Variants in MACROD2 observed in about 807,000 individuals in gnomAD.
MACROD2 encodes the protein mono-ADP ribosylhydrolase 2, also known as ADP-ribose glycohydrolase MACROD2.
A neutral mutation model predicts 70.4 loss-of-function variants in MACROD2; 36 were observed. The observed-to-expected ratio is 0.51, with a 90% confidence interval of 0.39 to 0.68. The LOEUF is 0.68. Among genes scored for constraint, MACROD2 ranks in the 30% least tolerant of loss-of-function variants. The probability of loss-of-function intolerance (pLI) is 0.00; values close to 1 mark genes in which losing one functional copy is unlikely to be tolerated. For missense variants in MACROD2, 496 were observed against 538.4 expected (o/e 0.92, Z 0.78); for synonymous variants, 172 against 178.8 (o/e 0.96, Z 0.30).
At chr20:15,819,596 A>G (rs1009266421) in intron 8 of MACROD2, among the ~76,000 whole-genome samples, 2 of 151,234 alleles carry the variant, frequency 1.3e-5, no homozygotes, top group Non-Finnish European at 2.9e-5. Flanking sequence ...CTTAAAATGG[A>G]AGGAGATCCT....
At position 14,772,383 on chromosome 20, in the gene MACROD2, G is replaced by T. The variant is rs911390230; in HGVS notation, c.418+87424G>T. ...ACTGGGAAGTTTATATAAGAAAGAG[G>T]TTTAACTGGACTTACAGTTTCATGG... On this transcript the variant is annotated intron_variant, in intron 5 of 17. Coordinates refer to ENST00000684519, the MANE Select transcript of MACROD2 (RefSeq NM_001351661.2). Among the ~76,000 whole-genome samples, 10 of 152,052 alleles carry T rather than the reference G, an allele frequency of 6.6e-5. 1 individual carries two copies. The highest frequency in any genetic ancestry group is 6.6e-5 in the Admixed American group (1 of 15,262).
At chr20:14,040,578 A>G (rs1286761621) in intron 2 of MACROD2, among the ~76,000 whole-genome samples, 1 of 152,182 alleles carries the variant, frequency 6.6e-6, no homozygotes, top group Non-Finnish European at 1.5e-5. Context: ...CAAATATGGT[A>G]TACTTGTTTA....
intron 3 of MACROD2, among the ~76,000 whole-genome samples, chr20:14,328,158 C>A (rs2082769418): frequency 6.6e-6 from 1 of 151,962 alleles, no homozygotes; most frequent in Non-Finnish European, 1.5e-5. Flanking sequence ...ATTTCATTTT[C>A]TTTGGTTATT....
At chr20:15,843,086 C>T (rs1012117954) in intron 8 of MACROD2, among the ~76,000 whole-genome samples, 12 of 152,200 alleles carry the variant, frequency 7.9e-5, no homozygotes, top group Non-Finnish European at 1.3e-4. Context: ...TGCTGTACCA[C>T]ACTCACCTCC....
chr20:15,970,549 C>T (rs2066214716), intron 13 of MACROD2, among the ~76,000 whole-genome samples: 1 of 152,026 alleles, frequency 6.6e-6, no homozygotes, highest in Non-Finnish European at 1.5e-5. Context: ...CAGCTGGCTG[C>T]CTGGAGAGTT....
chr20:14,688,261 A>T (rs974946923), intron 5 of MACROD2, among the ~76,000 whole-genome samples: 1 of 152,240 alleles, frequency 6.6e-6, no homozygotes, highest in African/African-American at 2.4e-5. Flanking sequence ...TTCATGCATC[A>T]GCAATTTGTT....
At chr20:15,048,972 A>G (rs1382098931) in intron 5 of MACROD2, among the ~76,000 whole-genome samples, 2 of 152,148 alleles carry the variant, frequency 1.3e-5, no homozygotes, top group African/African-American at 4.8e-5. Flanking sequence ...TCTACTGGAT[A>G]AATGAACAGT....
chr20:14,657,523 C>A (rs1214495308), intron 4 of MACROD2, among the ~76,000 whole-genome samples: 1 of 152,178 alleles, frequency 6.6e-6, no homozygotes, highest in Non-Finnish European at 1.5e-5. Context: ...GGGTTTTGGC[C>A]TTCTAATTAC....
At chr20:14,910,233 A>G (rs1296365836) in intron 5 of MACROD2, among the ~76,000 whole-genome samples, 4 of 152,196 alleles carry the variant, frequency 2.6e-5, no homozygotes, top group Non-Finnish European at 5.9e-5. Flanking sequence ...CAGAGTTAAA[A>G]GAATGTTGGC....
intron 8 of MACROD2, among the ~76,000 whole-genome samples, chr20:15,809,974 A>G (rs1396607448): frequency 6.7e-6 from 1 of 148,894 alleles, no homozygotes; most frequent in East Asian, 2.0e-4. Context: ...TTAACTCGTC[A>G]TTTAGCATTA....
chr20:14,768,483 T>A (rs1349715847), intron 5 of MACROD2, among the ~76,000 whole-genome samples: 2 of 152,106 alleles, frequency 1.3e-5, no homozygotes, highest in African/African-American at 4.8e-5. Flanking sequence ...AACCTTTCCC[T>A]TTTTAACATT....
chr20:15,754,683 CTTT>C (rs536927554), intron 8 of MACROD2, among the ~76,000 whole-genome samples: 9 of 132,732 alleles, frequency 6.8e-5, no homozygotes, highest in Admixed American at 7.5e-5. Context: ...TCTATTCAAT[CTTT>C]TTTTTTTTTT....
chr20:15,684,999 C>T (rs1025953083), intron 8 of MACROD2, among the ~76,000 whole-genome samples: 6 of 151,994 alleles, frequency 3.9e-5, no homozygotes, highest in Admixed American at 1.3e-4. Context: ...AGAATTTATG[C>T]GACTTCCTCA....
rs140506726 is a variant in MACROD2, at chr20:14,181,410, G to A, written c.271+95682G>A. Among the ~76,000 whole-genome samples the A allele has an allele frequency of 2.7e-3, 408 of 151,798 alleles. 8 individuals carry two copies. Among genetic ancestry groups the A allele is most frequent in the Admixed American group, 0.018 (273 of 15,210 alleles). On this transcript the variant is annotated intron_variant, in intron 3 of 17. Coordinates refer to ENST00000684519, the MANE Select transcript of MACROD2 (RefSeq NM_001351661.2). Reference sequence around the variant, plus strand: ...TATATTATCCTCACAATAGAGTGACGAAAATGATGGGGAACCATCATTTTG... The same window carrying A: ...TATATTATCCTCACAATAGAGTGACAAAAATGATGGGGAACCATCATTTTG...
intron 5 of MACROD2, among the ~76,000 whole-genome samples, chr20:14,708,473 C>G (rs1457594489): frequency 6.6e-6 from 1 of 152,204 alleles, no homozygotes; most frequent in African/African-American, 2.4e-5. Flanking sequence ...CTTGACAACT[C>G]TCTACTTGCT....
intron 5 of MACROD2, among the ~76,000 whole-genome samples, chr20:15,037,675 CT>C (rs140979314): frequency 0.13 from 18,988 of 151,678 alleles, 1,368 homozygotes; most frequent in Non-Finnish European, 0.16. Context: ...ACTATTTTAA[CT>C]TTAACTCTTT....
chr20:14,001,924 C>T (rs900146127), intron 1 of MACROD2, among the ~76,000 whole-genome samples: 3 of 152,186 alleles, frequency 2.0e-5, no homozygotes, highest in Admixed American at 6.5e-5. Context: ...GACACCATGT[C>T]ACACATTGGG....
chr20:14,009,404 TC>T (rs1276555716), intron 2 of MACROD2, among the ~76,000 whole-genome samples: 1 of 151,932 alleles, frequency 6.6e-6, no homozygotes, highest in Admixed American at 6.6e-5. Flanking sequence ...CAAATGCAAA[TC>T]AAAACCACAA....
chr20:14,509,340 G>A (rs1464913073), intron 4 of MACROD2, among the ~76,000 whole-genome samples: 1 of 151,986 alleles, frequency 6.6e-6, no homozygotes, highest in East Asian at 1.9e-4. Context: ...GCAGGACATG[G>A]AGAAAATTGT....
Sources: allele counts gnomAD v4.1 joint callset (sites outside exome capture counted in the v4.1 genomes callset), GRCh38; gene constraint gnomAD v4.1.1; transcripts MANE v1.5; gene names NCBI Gene and HGNC (gene_info 2026-07-23, HGNC 2026-07-21).